The following PDCD11 variants were observed in gnomAD, a reference collection of about 807,000 sequenced individuals.
PDCD11 encodes the protein protein RRP5 homolog.
Under a neutral mutation model 198.9 loss-of-function variants are expected in PDCD11, and 97 were observed. The observed-to-expected ratio is 0.49, with a 90% CI of 0.41 to 0.58. PDCD11 has a LOEUF of 0.58. Among genes scored for constraint, PDCD11 ranks in the 20% least tolerant of loss-of-function variants. PDCD11 has a pLI of 0.00. For synonymous variants in PDCD11, 893 were observed against 918.0 expected (o/e 0.97, Z 0.49); for missense variants, 2,102 against 2,312.7 (o/e 0.91, Z 1.87).
At chr10:103,418,075 ATTCC>A in intron 14 of PDCD11, 143 bp downstream of exon 14, 2 of 853,252 alleles carry the variant, frequency 2.3e-6, no homozygotes, top group Non-Finnish European at 3.8e-6. Flanking sequence ...GTTCATACGC[ATTCC>A]TTCCTGTGTG....
chr10:103,403,361 G>A, intron 4 of PDCD11, 76 bp downstream of exon 4: 1 of 1,407,158 alleles, frequency 7.1e-7, no homozygotes, highest in African/African-American at 1.4e-5. Flanking sequence ...AACTTTGCCA[G>A]GTGCTAAGAA....
chr10:103,413,004 G>A, intron 8 of PDCD11, 112 bp from the exon 9 acceptor site: 1 of 771,136 alleles, frequency 1.3e-6, no homozygotes, highest in Non-Finnish European at 2.3e-6. Flanking sequence ...TACTAAGGAT[G>A]TGAGTACTCA....
chr10:103,438,440 A>G (rs939011197), intron 26 of PDCD11, among the ~76,000 whole-genome samples: 1 of 152,198 alleles, frequency 6.6e-6, no homozygotes, highest in African/African-American at 2.4e-5. Flanking sequence ...AATGAGGCCA[A>G]GGCTTTAGGT....
At position 103,442,207 on chromosome 10, in the gene PDCD11, TAGCAGATA is replaced by T; in HGVS notation, c.4708-4_4711del. 1 of 1,613,694 alleles carries T rather than the reference TAGCAGATA, an allele frequency of 6.2e-7. No homozygotes were observed. ...TGACTCACGGTGTTTCTGCTTTCCA[TAGCAGATA>T]AAGAAAAGCAAGAAAGAAAGGGAGT... On this transcript the variant is annotated splice_acceptor_variant and splice_polypyrimidine_tract_variant and coding_sequence_variant and intron_variant, in exon 32 of 36. Transcript: ENST00000369797. LOFTEE classifies it high-confidence loss of function.
intron 25 of PDCD11, among the ~76,000 whole-genome samples, chr10:103,435,509 G>A (rs774746183): frequency 6.6e-6 from 1 of 150,986 alleles, no homozygotes; most frequent in East Asian, 1.9e-4. Flanking sequence ...GCAGTGGCGC[G>A]AGACACAGCC....
In PDCD11 at chr10:103,409,697, A is replaced by G; in HGVS notation, c.871-2A>G. The G allele has an allele frequency of 3.1e-6, 5 of 1,610,030 alleles. No homozygotes were observed. The highest frequency in any genetic ancestry group is 4.3e-6 in the Non-Finnish European group (5 of 1,176,330). On this transcript the variant is annotated splice_acceptor_variant, in intron 7 of 35. Transcript: ENST00000369797. LOFTEE classifies it high-confidence loss of function. ...TTTATAACTTGTTCTGTTTATTTCTAGGTGACTCCATTTGGCCTTACGCTA... is the reference window on the plus strand; with the variant it reads ...TTTATAACTTGTTCTGTTTATTTCTGGGTGACTCCATTTGGCCTTACGCTA...
At chr10:103,432,522 A>G (rs985789334) in intron 22 of PDCD11, among the ~76,000 whole-genome samples, 2 of 152,272 alleles carry the variant, frequency 1.3e-5, no homozygotes, top group African/African-American at 4.8e-5. Context: ...ATAAATGTAT[A>G]TAATTTGGAT....
intron 31 of PDCD11, 98 bp from the exon 32 acceptor site, chr10:103,442,113 TAG>T (rs2032410286): frequency 2.6e-5 from 41 of 1,555,630 alleles, no homozygotes; most frequent in Non-Finnish European, 3.2e-5. Flanking sequence ...GGGGTATATA[TAG>T]AGCCCTGGGC....
In PDCD11 at chr10:103,406,716, A is replaced by G; in HGVS notation, c.796A>G (p.Ile266Val). The change falls in exon 7 of 36, where the codon ATT (isoleucine) becomes GTT (valine). Residue 266 changes from isoleucine (I) to valine (V), a missense_variant. Physicochemically the swap from Ile to Val is conservative, Grantham distance 29. Coordinates refer to ENST00000369797, the MANE Select transcript of PDCD11 (RefSeq NM_014976.2). ...SVGHSEVSTA[I>V]ATEQQSWNLN... ...TGGTCACTCAGAGGTTTCTACGGCC[A>G]TTGCTACTGAACAGCAGAGCTGGAA... 6.2e-7 allele frequency: 1 copy of G among 1,614,226 alleles called. No homozygotes were observed. Among genetic ancestry groups the G allele is most frequent in the Non-Finnish European group, 8.5e-7 (1 of 1,180,032 alleles).
Position 103,425,141 on chromosome 10 carries a change from AG to A in PDCD11, c.2924del (p.Gly975ValfsTer4). On this transcript the variant is annotated frameshift_variant, in exon 20 of 36. Coordinates refer to ENST00000369797, the MANE Select transcript of PDCD11 (RefSeq NM_014976.2). LOFTEE classifies it high-confidence loss of function. The part of the protein sequence containing the change: ...RFDSEKLQVG[Q>X]GVSLTLKTTE... ...GACTCAGAGAAATTGCAGGTGGGAC[AG>A]GGTGTCTCCCTAACCCTCAAGACCA... The A allele has an allele frequency of 6.2e-7, 1 of 1,614,204 alleles. No individual in the cohort carries two copies.
intron 34 of PDCD11, 36 bp downstream of exon 34, chr10:103,444,104 A>G (rs1168128819): frequency 1.3e-6 from 2 of 1,578,948 alleles, no homozygotes; most frequent in African/African-American, 1.4e-5. Flanking sequence ...GCCCATGAGC[A>G]CTCCAGGATC....
At chr10:103,411,162 C>T (rs940066046) in intron 8 of PDCD11, among the ~76,000 whole-genome samples, 4 of 152,124 alleles carry the variant, frequency 2.6e-5, no homozygotes, top group African/African-American at 9.6e-5. Flanking sequence ...AGGAGTCCCC[C>T]AACCTTGGCC....
chr10:103,403,002 G>A (rs1009839360), intron 3 of PDCD11, 116 bp from the exon 4 acceptor site: 28 of 965,718 alleles, frequency 2.9e-5, no homozygotes, highest in African/African-American at 9.8e-5. Flanking sequence ...ATTATAGGGC[G>A]TAAGCCACTG....
chr10:103,406,646 T>C lies in PDCD11; in HGVS notation c.726T>C (p.Ile242=). The C allele has an allele frequency of 6.2e-7, 1 of 1,614,100 alleles. No homozygotes were observed. ...KLKVGQYLNC[I]VEKVKGNGGV... ...AGGTGGGTCAGTACCTGAACTGCAT[T>C]GTTGAAAAGGTGAAAGGCAACGGAG... Residue 242 remains isoleucine, a synonymous_variant, in exon 7 of 36, where the codon ATT becomes ATC. Coordinates refer to ENST00000369797, the MANE Select transcript of PDCD11 (RefSeq NM_014976.2).
At position 103,421,523 on chromosome 10, in the gene PDCD11, G is replaced by A; in HGVS notation, c.2453G>A (p.Cys818Tyr). 1.3e-6 allele frequency: 2 copies of A among 1,579,528 alleles called. No individual in the cohort carries two copies. The highest frequency in any genetic ancestry group is 2.3e-5 in the South Asian group (2 of 86,556). ...AITSLLLLNQ[C>Y]LEELQGVRSL... ...ACCAGCCTCCTCCTCCTGAATCAGTGCCTGGAGGAGCTGCAGGGCGTGCGC... is the reference window on the plus strand; with the variant it reads ...ACCAGCCTCCTCCTCCTGAATCAGTACCTGGAGGAGCTGCAGGGCGTGCGC... The change falls in exon 17 of 36, where the codon TGC (cysteine) becomes TAC (tyrosine). Residue 818 changes from cysteine (C) to tyrosine (Y), a missense_variant. By Grantham distance (194) the Cys-to-Tyr change is radical. Transcript: ENST00000369797.
Position 103,420,672 on chromosome 10 carries a change from T to C in PDCD11, c.2278-676T>C, listed in dbSNP as rs1412702157. 2.6e-5 allele frequency among the ~76,000 whole-genome samples: 4 copies of C among 152,206 alleles called. 1 individual carries two copies. The South Asian group carries it at 6.2e-4, about 24-fold the overall frequency. The stretch of plus-strand genomic sequence containing the variant: ...GGTGTTTTGCCTGGGAAAATCTCAT[T>C]TGCATCCCCTGCCAGAAACATTTTA... On this transcript the variant is annotated intron_variant, in intron 16 of 35. Coordinates refer to ENST00000369797, the MANE Select transcript of PDCD11 (RefSeq NM_014976.2).
In PDCD11 at chr10:103,435,035, A is replaced by C. The variant is rs1592138124; in HGVS notation, c.3845+60A>C. The stretch of plus-strand genomic sequence containing the variant: ...GTGGAATTGGTATATTTAAAAAAAA[A>C]CGTTGTTGTAATACATGACTTTTTA... On this transcript the variant is annotated intron_variant, in intron 25 of 35. Coordinates refer to ENST00000369797, the MANE Select transcript of PDCD11 (RefSeq NM_014976.2). 4 of 1,298,636 alleles carry C rather than the reference A, an allele frequency of 3.1e-6. No individual in the cohort carries two copies. In the East Asian group the frequency reaches 8.1e-5, roughly 26 times the overall value. 80.4% of individuals were successfully genotyped at this position (1,298,636 alleles called of 1,614,324 possible).
intron 30 of PDCD11, 78 bp from the exon 31 acceptor site, chr10:103,441,748 C>A: frequency 7.2e-7 from 1 of 1,384,754 alleles, no homozygotes; most frequent in Non-Finnish European, 1.0e-6. Flanking sequence ...AGTCCATGCT[C>A]CTCCAGGTGG....
At chr10:103,437,637 G>A (rs1278161560) in intron 25 of PDCD11, among the ~76,000 whole-genome samples, 5 of 152,020 alleles carry the variant, frequency 3.3e-5, no homozygotes, top group African/African-American at 7.3e-5. Context: ...ACAGGCGCCC[G>A]CCACCACGCC....
Sources: allele counts gnomAD v4.1 joint callset (sites outside exome capture counted in the v4.1 genomes callset), GRCh38; gene constraint gnomAD v4.1.1; transcripts MANE v1.5; gene names NCBI Gene and HGNC (gene_info 2026-07-23, HGNC 2026-07-21).